The following PCDHA4 variants were observed in gnomAD, a reference collection of about 807,000 sequenced individuals.
PCDHA4 encodes the protein protocadherin alpha 4, also known as protocadherin alpha-4.
PCDHA4 carries 49 observed loss-of-function variants against 61.4 expected under a neutral mutation model. That is an observed-to-expected ratio of 0.80 (90% CI 0.63 to 1.01). The LOEUF is 1.01. Among genes scored for constraint, PCDHA4 ranks in the 50% least tolerant of loss-of-function variants. PCDHA4 has a pLI of 0.00. For synonymous variants in PCDHA4, 590 were observed against 550.3 expected (o/e 1.07, Z -1.01); for missense variants, 1,254 against 1,235.8 (o/e 1.01, Z -0.22).
intron 1 of PCDHA4, chr5:140,928,069 A>C (rs782427256): frequency 6.2e-7 from 1 of 1,614,180 alleles, no homozygotes; most frequent in Non-Finnish European, 8.5e-7. Context: ...TTCCTTTGAC[A>C]ACTACTACAG....
At chr5:140,835,644 T>C (rs1554135160) in intron 1 of PCDHA4, 6 of 1,613,948 alleles carry the variant, frequency 3.7e-6, no homozygotes, top group Non-Finnish European at 4.2e-6. Flanking sequence ...TGTGTCCGCC[T>C]ATGAGCTGGT....
At chr5:140,980,436 C>T (rs1364418994) in intron 2 of PCDHA4, among the ~76,000 whole-genome samples, 1 of 152,134 alleles carries the variant, frequency 6.6e-6, no homozygotes, top group Admixed American at 6.5e-5. Context: ...TCGAGACCAT[C>T]CTGGACAACA....
chr5:140,827,596 T>C (rs2150148363), intron 1 of PCDHA4, among the ~76,000 whole-genome samples: 13 of 152,200 alleles, frequency 8.5e-5, no homozygotes, highest in Non-Finnish European at 1.6e-4. Context: ...GAAAGACAGA[T>C]GTGGGCAAGT....
At chr5:140,859,558 A>G (rs1554152480) in intron 1 of PCDHA4, 1 of 177,480 alleles carries the variant, frequency 5.6e-6, no homozygotes, top group African/African-American at 2.4e-5. Flanking sequence ...CCAAACACCA[A>G]TGCCATGAAT....
intron 2 of PCDHA4, among the ~76,000 whole-genome samples, chr5:140,981,687 A>ATCATTCAT (rs200213847): frequency 0.01 from 1,586 of 152,088 alleles, 32 homozygotes; most frequent in African/African-American, 0.036. Flanking sequence ...CCTCCCTTCC[A>ATCATTCAT]TCATTCATTC....
chr5:140,821,899 A>T, intron 1 of PCDHA4: 2 of 1,614,162 alleles, frequency 1.2e-6, no homozygotes, highest in Non-Finnish European at 1.7e-6. Context: ...CAAACACGGA[A>T]CCTTCGTTGG....
chr5:140,809,080 C>T lies in PCDHA4; in HGVS notation c.1893C>T (p.Ile631=). The part of the protein sequence containing the change: ...PFRVGLYTGE[I]STTRALDETD... ...GCGTGGGGCTGTACACTGGCGAGAT[C>T]AGCACAACGCGTGCCCTGGACGAAA... Residue 631 remains isoleucine (I), a synonymous_variant, in exon 1 of 4, where the codon ATC becomes ATT. Transcript: ENST00000530339. 1.2e-6 allele frequency: 2 copies of T among 1,613,954 alleles called. No individual in the cohort carries two copies. Among genetic ancestry groups the T allele is most frequent in the Admixed American group, 1.7e-5 (1 of 60,030 alleles).
intron 1 of PCDHA4, chr5:140,928,137 C>A (rs537220203): frequency 6.2e-7 from 1 of 1,614,182 alleles, no homozygotes; most frequent in South Asian, 1.1e-5. Flanking sequence ...AAGTCCTGAT[C>A]ACGGCCTCAG....
intron 1 of PCDHA4, chr5:140,856,917 G>T: frequency 6.3e-7 from 1 of 1,595,592 alleles, no homozygotes; most frequent in South Asian, 1.1e-5. Flanking sequence ...ACGATAAGAA[G>T]GAAATTTTGG....
chr5:140,969,704 T>G (rs1317094729), intron 1 of PCDHA4, among the ~76,000 whole-genome samples: 10 of 152,172 alleles, frequency 6.6e-5, no homozygotes, highest in African/African-American at 2.4e-4. Flanking sequence ...TGCTGTATCA[T>G]CTACAGGGAA....
intron 1 of PCDHA4, among the ~76,000 whole-genome samples, chr5:140,912,746 A>G (rs1322674627): frequency 6.6e-6 from 1 of 152,200 alleles, no homozygotes; most frequent in Admixed American, 6.5e-5. Flanking sequence ...TGGGTCTGTC[A>G]TAGATGGCTT....
At chr5:140,927,652 C>T (rs868980158) in intron 1 of PCDHA4, 28 of 1,614,054 alleles carry the variant, frequency 1.7e-5, no homozygotes, top group African/African-American at 9.3e-5. Flanking sequence ...TGTGTTATTC[C>T]GAGTTCAAGC....
Position 140,809,414 on chromosome 5 carries a change from A to G in PCDHA4, c.2227A>G (p.Ser743Gly), listed in dbSNP as rs541059549. The G allele has an allele frequency of 3.0e-5, 49 of 1,614,198 alleles. No individual in the cohort carries two copies. The East Asian group carries it at 9.6e-4, about 32-fold the overall frequency. ...GGGCAAGCCCACGCTGGTGTGCTCCAGTGCGGTGGGGAGCTGGTCATACTC... is the reference window on the plus strand; with the variant it reads ...GGGCAAGCCCACGCTGGTGTGCTCCGGTGCGGTGGGGAGCTGGTCATACTC... ...APGKPTLVCS[S>G]AVGSWSYSQQ... The change falls in exon 1 of 4, where the codon AGT becomes GGT. Residue 743 changes from serine (S) to glycine (G), a missense_variant. Ser to Gly is a moderately conservative substitution (Grantham distance 56). Coordinates refer to ENST00000530339, the MANE Select transcript of PCDHA4 (RefSeq NM_018907.4).
At chr5:140,986,151 G>A (rs547474191) in intron 3 of PCDHA4, among the ~76,000 whole-genome samples, 1 of 152,198 alleles carries the variant, frequency 6.6e-6, no homozygotes, top group African/African-American at 2.4e-5. Flanking sequence ...GCATCACCAA[G>A]TAATGTTTTC....
chr5:140,858,944 T>TA (rs2045667793), intron 1 of PCDHA4: 1 of 159,332 alleles, frequency 6.3e-6, no homozygotes, highest in Admixed American at 6.4e-5. Context: ...TGTTCAGTGA[T>TA]TACAGCTTTT....
chr5:140,890,726 T>C (rs2062772984), intron 1 of PCDHA4, among the ~76,000 whole-genome samples: 1 of 152,214 alleles, frequency 6.6e-6, no homozygotes. Context: ...TTTAATCCCT[T>C]TTGACTTATA....
chr5:140,931,716 T>G (rs1205500293), intron 1 of PCDHA4, among the ~76,000 whole-genome samples: 5 of 151,962 alleles, frequency 3.3e-5, no homozygotes, highest in Admixed American at 3.3e-4. Context: ...TAAAATAACT[T>G]CTATAAATAT....
At chr5:140,850,316 T>G in intron 1 of PCDHA4, 1 of 1,597,142 alleles carries the variant, frequency 6.3e-7, no homozygotes, top group Non-Finnish European at 8.6e-7. Context: ...ACGCGTGGCT[T>G]TCATACGAGC....
intron 1 of PCDHA4, among the ~76,000 whole-genome samples, chr5:140,925,094 G>A (rs1489905457): frequency 6.6e-6 from 1 of 151,188 alleles, no homozygotes; most frequent in Non-Finnish European, 1.5e-5. Flanking sequence ...AGGAAGGAAG[G>A]AAGGAAGGAA....
Sources: gnomAD v4.1 joint callset for allele counts (sites outside exome capture counted in the v4.1 genomes callset) on GRCh38, gnomAD v4.1.1 for gene constraint, MANE v1.5 for transcripts, NCBI Gene and HGNC (gene_info 2026-07-23, HGNC 2026-07-21) for gene names.